The following SRPRA variants were observed in gnomAD, a reference collection of about 807,000 sequenced individuals.
SRPRA encodes the protein SRP receptor subunit alpha.
Under a neutral mutation model 61.1 loss-of-function variants are expected in SRPRA, and 30 were observed. The ratio of observed to expected loss-of-function variants is 0.49; its 90% CI spans 0.37 to 0.67. SRPRA has a LOEUF of 0.67. SRPRA is among the 30% of genes least tolerant of loss of function. SRPRA has a pLI of 0.00. For synonymous variants in SRPRA, 324 were observed against 299.7 expected (o/e 1.08, Z -0.84); for missense variants, 759 against 828.4 (o/e 0.92, Z 1.03).
the SRPRA span, among the ~76,000 whole-genome samples, chr11:126,251,731 CT>C: frequency 3.0e-3 from 407 of 137,376 alleles, no homozygotes; most frequent in African/African-American, 4.3e-3. Flanking sequence ...TAACTTGCAG[CT>C]TTTTTTTTTT....
At chr11:126,259,023 G>A (rs1307173412), downstream of SRPRA, among the ~76,000 whole-genome samples, 1 of 152,164 alleles carries the variant, frequency 6.6e-6, no homozygotes, top group Admixed American at 6.5e-5. Context: ...AAGGTGTTCT[G>A]TATCTTTAAA....
the SRPRA span, among the ~76,000 whole-genome samples, chr11:126,236,455 C>G: frequency 3.3e-5 from 5 of 152,176 alleles, no homozygotes; most frequent in East Asian, 7.7e-4. Flanking sequence ...ACCTCTTTCC[C>G]TGTTTTTTGT....
At position 126,263,934 on chromosome 11, in the gene SRPRA, A is replaced by G; in HGVS notation, c.1899T>C (p.Ala633=). ...LRSLNAKAVV[A]ALMKA ...AGCCACGTTAAGCCTTCATGAGGGC[A>G]GCCACCACAGCCTTGGCATTGAGGC... The change falls in exon 14 of 14, where the codon GCT becomes GCC. Residue 633 remains alanine (A), a synonymous_variant. Coordinates refer to ENST00000332118, the MANE Select transcript of SRPRA (RefSeq NM_003139.4). 6.2e-7 allele frequency: 1 copy of G among 1,614,224 alleles called. No individual in the cohort carries two copies. The highest frequency in any genetic ancestry group is 8.5e-7 in the Non-Finnish European group (1 of 1,180,048).
chr11:126,254,355 C>T, the SRPRA span: 23 of 1,614,038 alleles, frequency 1.4e-5, no homozygotes, highest in Non-Finnish European at 1.8e-5. Flanking sequence ...TGCATATTCA[C>T]GGAGTCTACA....
At chr11:126,259,950 G>C (rs1487458044), downstream of SRPRA, among the ~76,000 whole-genome samples, 2 of 151,520 alleles carry the variant, frequency 1.3e-5, no homozygotes, top group African/African-American at 4.9e-5. Flanking sequence ...TCGATCTCCT[G>C]ACCTCGTGAT....
At position 126,264,426 on chromosome 11, in the gene SRPRA, C is replaced by A. The variant is rs1950764825; in HGVS notation, c.1639G>T (p.Val547Leu). ...ACTAAGGCTTCTCCTACAAACAGCA[C>A]CAAATCAGGTGTATTGACAGTAATG... The part of the protein sequence containing the change: ...KLITVNTPDL[V>L]LFVGEALVGN... Residue 547 changes from valine (V) to leucine (L), a missense_variant, in exon 12 of 14, where the codon GTG becomes TTG. Around this residue, in one of 2 missense-constraint regions of SRPRA, gnomAD observed 284 missense variants for 365.9 expected, o/e 0.78. Transcript: ENST00000332118. This position sits in a 1 kb window ranked among gnomAD's most constrained non-coding sequence, Gnocchi z 5.0. 1.2e-6 allele frequency: 2 copies of A among 1,614,214 alleles called. No homozygotes were observed. The highest frequency in any genetic ancestry group is 1.7e-6 in the Non-Finnish European group (2 of 1,180,044).
the SRPRA span, among the ~76,000 whole-genome samples, chr11:126,246,325 A>G: frequency 6.6e-6 from 1 of 152,180 alleles, no homozygotes; most frequent in African/African-American, 2.4e-5. Flanking sequence ...AGGCCTATCT[A>G]CCGAGCCAGT....
At chr11:126,238,031 T>C in the SRPRA span, among the ~76,000 whole-genome samples, 1 of 152,040 alleles carries the variant, frequency 6.6e-6, no homozygotes, top group Admixed American at 6.6e-5. Context: ...AGGTGACCCT[T>C]GTTTGTCTGC....
At position 126,264,176 on chromosome 11, in the gene SRPRA, C is replaced by T. The variant is rs1591536462; in HGVS notation, c.1788+15G>A. On this transcript the variant is annotated intron_variant, in intron 13 of 13. Transcript: ENST00000332118. The surrounding 1 kb of genome is among the most constrained non-coding windows in gnomAD (Gnocchi z 5.0). ...TGTGCAGGACGCCCATTCCAGCCTC[C>T]AGTCTCACGTTTACCTTGTCATCAA... The T allele has an allele frequency of 1.2e-6, 2 of 1,613,490 alleles. No individual in the cohort carries two copies. The highest frequency in any genetic ancestry group is 1.1e-5 in the South Asian group (1 of 90,988).
rs1165487797 is a variant in SRPRA at position 126,265,073 on chromosome 11, G to A, written c.1411C>T (p.Arg471Cys). 1.5e-5 allele frequency: 25 copies of A among 1,614,146 alleles called. No homozygotes were observed. The highest frequency in any genetic ancestry group is 2.0e-5 in the Non-Finnish European group (24 of 1,180,042). ...TCTGGAGGGTGTAGGGCACTCAAAC[G>A]CCGGGTGTGTGTACGCAGCTGCTCC... ...AVEQLRTHTRRLSALHPPEKH... is the reference protein window; with the variant it reads ...AVEQLRTHTRCLSALHPPEKH... Residue 471 changes from arginine (R) to cysteine (C), a missense_variant, in exon 11 of 14, where the codon CGT (arginine) becomes TGT (cysteine). Physicochemically the swap from Arg to Cys is radical, Grantham distance 180. Around this residue, in one of 2 missense-constraint regions of SRPRA, gnomAD observed 284 missense variants for 365.9 expected, o/e 0.78. Transcript: ENST00000332118. The surrounding 1 kb of genome is among the most constrained non-coding windows in gnomAD (Gnocchi z 6.3).
downstream of SRPRA, chr11:126,262,474 T>C (rs1260756827): frequency 3.0e-6 from 1 of 337,152 alleles, no homozygotes; most frequent in African/African-American, 2.1e-5. Context: ...GGACTCGGGG[T>C]CTGGATGCCA....
At chr11:126,256,459 T>G in the SRPRA span, 2 of 971,072 alleles carry the variant, frequency 2.1e-6, no homozygotes, top group Non-Finnish European at 3.0e-6. This position sits in a 1 kb window ranked among gnomAD's most constrained non-coding sequence, Gnocchi z 6.6. Context: ...CACTTAAGTC[T>G]TGCTTAATTG....
At position 126,268,726 on chromosome 11, in the gene SRPRA, C is replaced by G; in HGVS notation, c.79G>C (p.Gly27Arg). 1 of 1,613,858 alleles carries G rather than the reference C, an allele frequency of 6.2e-7. No homozygotes were observed. The highest frequency in any genetic ancestry group is 8.5e-7 in the Non-Finnish European group (1 of 1,180,012). The change falls in exon 1 of 14, where the codon GGA (glycine) becomes CGA (arginine). Residue 27 changes from glycine (G) to arginine (R), a missense_variant. Coordinates refer to ENST00000332118, the MANE Select transcript of SRPRA (RefSeq NM_003139.4). ...CFQGVSDSCT[G>R]PVNALIRSVL... The stretch of plus-strand genomic sequence containing the variant: ...GAACGAATCAACGCGTTAACGGGTC[C>G]GGTGCATGAGTCGCTAACGCCCTGG...
chr11:126,264,553 G>C lies in SRPRA; in HGVS notation c.1526-14C>G. The C allele has an allele frequency of 6.2e-7, 1 of 1,611,770 alleles. No individual in the cohort carries two copies. The highest frequency in any genetic ancestry group is 8.5e-7 in the Non-Finnish European group (1 of 1,179,784). On this transcript the variant is annotated splice_polypyrimidine_tract_variant and intron_variant, in intron 11 of 13. Coordinates refer to ENST00000332118, the MANE Select transcript of SRPRA (RefSeq NM_003139.4). The surrounding 1 kb of genome is among the most constrained non-coding windows in gnomAD (Gnocchi z 5.0). ...CTTGGTTACGTGCTAGAGAAAGAAA[G>C]TAGTCAACTCTGAACACCTGGACTA...
At chr11:126,241,157 T>G in the SRPRA span, 1 of 1,146,972 alleles carries the variant, frequency 8.7e-7, no homozygotes, top group Non-Finnish European at 1.2e-6. Flanking sequence ...GGATATTCAT[T>G]TACAGCTTGT....
rs778394593 is a variant in SRPRA at position 126,265,200 on chromosome 11, C to G, written c.1312-28G>C. 6.2e-7 allele frequency: 1 copy of G among 1,613,798 alleles called. No homozygotes were observed. Among genetic ancestry groups the G allele is most frequent in the Non-Finnish European group, 8.5e-7 (1 of 1,179,876 alleles). On this transcript the variant is annotated intron_variant, in intron 10 of 13. Coordinates refer to ENST00000332118, the MANE Select transcript of SRPRA (RefSeq NM_003139.4). This position sits in a 1 kb window ranked among gnomAD's most constrained non-coding sequence, Gnocchi z 6.3. ...GTGAAAAAGACGTAAGAAAAGTCAC[C>G]TAAAGCCAGGATTTTGAGACACAAG...
downstream of SRPRA, chr11:126,260,676 A>G (rs1280963091): frequency 6.6e-6 from 1 of 152,224 alleles, no homozygotes; most frequent in Non-Finnish European, 1.5e-5. Context: ...TCAGTAATTT[A>G]TAAATACTGC....
chr11:126,264,674 GA>G lies in SRPRA; in HGVS notation c.1526-136del. On this transcript the variant is annotated intron_variant, in intron 11 of 13. Coordinates refer to ENST00000332118, the MANE Select transcript of SRPRA (RefSeq NM_003139.4). This position sits in a 1 kb window ranked among gnomAD's most constrained non-coding sequence, Gnocchi z 5.0. ...TGGATTTGGTTCCAAGGTAATGTGA[GA>G]AAAACTTGATTATATGCTTGGCCAT... 9.3e-7 allele frequency: 1 copy of G among 1,071,426 alleles called. No homozygotes were observed. Among genetic ancestry groups the G allele is most frequent in the Non-Finnish European group, 1.3e-6 (1 of 762,246 alleles). 66.4% of individuals were successfully genotyped at this position (1,071,426 alleles called of 1,614,324 possible).
the SRPRA span, among the ~76,000 whole-genome samples, chr11:126,257,091 G>A: frequency 6.6e-6 from 1 of 152,322 alleles, no homozygotes; most frequent in Admixed American, 6.5e-5. Flanking sequence ...GAAAACAGAT[G>A]TTCAGCCTCA....
Sources: gnomAD v4.1 joint callset for allele counts (sites outside exome capture counted in the v4.1 genomes callset) on GRCh38, gnomAD v4.1.1 for gene constraint, gnomAD v4.1.1 regional missense constraint, Gnocchi (gnomAD v3.1) non-coding constraint, MANE v1.5 for transcripts, NCBI Gene and HGNC (gene_info 2026-07-23, HGNC 2026-07-21) for gene names.